LCOR: variants seen among roughly 807,000 people sequenced by gnomAD.
The protein encoded by LCOR is ligand dependent nuclear receptor corepressor, also known as ligand-dependent corepressor.
A neutral mutation model predicts 64.4 loss-of-function variants in LCOR; 14 were observed. That is an observed-to-expected ratio of 0.22 (90% CI 0.14 to 0.34). The LOEUF (loss-of-function observed/expected upper bound fraction) is 0.34. LCOR is among the 10% of genes least tolerant of loss of function. The pLI, the probability that LCOR is intolerant of heterozygous loss-of-function variation, is 1.00. For missense variants in LCOR, 1,686 were observed against 1,765.3 expected, an observed-to-expected ratio of 0.96 and a Z score of 0.80; for synonymous variants, 643 against 642.5, an observed-to-expected ratio of 1.00 and a Z score of -0.01.
Position 96,927,455 on chromosome 10 carries a change from G to GT in LCOR, c.-183-16648dup, listed in dbSNP as rs879474796. Among the ~76,000 whole-genome samples, 678 of 148,260 alleles carry GT rather than the reference G, an allele frequency of 4.6e-3. 1 individual carries two copies. Among genetic ancestry groups the GT allele is most frequent in the Middle Eastern group, 7.1e-3 (2 of 282 alleles). The stretch of plus-strand genomic sequence containing the variant: ...TTTTCTTTGCGTCATTTGAAAAGCA[G>GT]TTTTTTTTTTATCTCAATGAAGTTT... On this transcript the variant is annotated intron_variant, in intron 4 of 7. Transcript: ENST00000421806.
At position 96,982,186 on chromosome 10, in the gene LCOR, G is replaced by C; in HGVS notation, c.1726G>C (p.Glu576Gln). 6.2e-7 allele frequency: 1 copy of C among 1,614,168 alleles called. No individual in the cohort carries two copies. Among genetic ancestry groups the C allele is most frequent in the Non-Finnish European group, 8.5e-7 (1 of 1,180,024 alleles). The part of the protein sequence containing the change: ...EEPSKEITSH[E>Q]EGGGDVSPRK... ...ACCTAGCAAGGAAATCACCTCTCAC[G>C]AGGAAGGAGGTGGAGACGTTTCACC... is the stretch of plus-strand genomic sequence containing the variant. Residue 576 changes from glutamate (E) to glutamine (Q), a missense_variant, in exon 8 of 8, where the codon GAG (glutamate) becomes CAG (glutamine). By Grantham distance (29) the Glu-to-Gln change is conservative. This residue lies in a region of LCOR where 1,293 missense variants were observed against 1,410.4 expected (regional missense o/e 0.92). Coordinates refer to ENST00000421806, the MANE Select transcript of LCOR (RefSeq NM_001346516.2).
rs1771343124 is a variant in LCOR, at chr10:96,991,265, A to T, written c.*6131A>T. On this transcript the variant is annotated 3_prime_UTR_variant, in exon 8 of 8. Coordinates refer to ENST00000421806, the MANE Select transcript of LCOR (RefSeq NM_001346516.2). ...TCTCAGTACACAGCTGCTGTTACAG[A>T]TTATTCCTGAATAATGCTTTTGCGT... 1 of 152,162 alleles carries T rather than the reference A, an allele frequency of 6.6e-6. No individual in the cohort carries two copies. The highest frequency in any genetic ancestry group is 2.1e-4 in the South Asian group (1 of 4,834). The allele number at this position is 152,162 out of a possible 1,614,324, so 9.4% of individuals were successfully genotyped here.
intron 7 of LCOR, among the ~76,000 whole-genome samples, chr10:96,977,263 T>C (rs187403051): frequency 5.8e-4 from 88 of 152,242 alleles, no homozygotes; most frequent in African/African-American, 2.1e-3. Flanking sequence ...AGCTAGTGAG[T>C]AAAATTCTCT....
intron 7 of LCOR, chr10:96,956,821 C>T: frequency 1.0e-6 from 1 of 985,708 alleles, no homozygotes; most frequent in South Asian, 4.7e-5. Flanking sequence ...TCTTTGTATT[C>T]TTCAGTCCTT....
intron 2 of LCOR, among the ~76,000 whole-genome samples, chr10:96,890,908 T>C (rs1314615415): frequency 2.0e-5 from 3 of 152,230 alleles, no homozygotes; most frequent in Non-Finnish European, 4.4e-5. Context: ...AATTCCATGA[T>C]GGATGGTCAT....
intron 6 of LCOR, among the ~76,000 whole-genome samples, chr10:96,950,179 TATTTATTGG>T (rs1382247418): frequency 1.3e-5 from 2 of 152,180 alleles, no homozygotes; most frequent in Non-Finnish European, 1.5e-5. Flanking sequence ...TTGTAACCTT[TATTTATTGG>T]ATTTATTGGT....
intron 2 of LCOR, among the ~76,000 whole-genome samples, chr10:96,868,258 TTTTTC>T (rs1003855001): frequency 2.7e-4 from 41 of 151,534 alleles, no homozygotes; most frequent in African/African-American, 2.4e-4. Flanking sequence ...AGTGATTACT[TTTTTC>T]TTTTCTTTTC....
intron 4 of LCOR, among the ~76,000 whole-genome samples, chr10:96,920,622 A>G (rs1847047209): frequency 6.8e-6 from 1 of 147,024 alleles, no homozygotes; most frequent in East Asian, 2.0e-4. Context: ...ATGTGTATAT[A>G]TGTATGTACA....
At chr10:96,835,752 G>C (rs1353751825) in intron 2 of LCOR, among the ~76,000 whole-genome samples, 1 of 152,042 alleles carries the variant, frequency 6.6e-6, no homozygotes, top group Non-Finnish European at 1.5e-5. Context: ...TTCTAAAATC[G>C]AATTCTCCCT....
At position 96,845,559 on chromosome 10, in the gene LCOR, C is replaced by T. The variant is rs566734061; in HGVS notation, c.-330+12080C>T. On this transcript the variant is annotated intron_variant, in intron 2 of 7. Coordinates refer to ENST00000421806, the MANE Select transcript of LCOR (RefSeq NM_001346516.2). ...TTGGCTCACTGCAGGCTCTGCCCCCCGGGGTTCATGCCATTCTCCTGCCTC... is the reference window on the plus strand; with the variant it reads ...TTGGCTCACTGCAGGCTCTGCCCCCTGGGGTTCATGCCATTCTCCTGCCTC... Among the ~76,000 whole-genome samples, 23 of 145,494 alleles carry T rather than the reference C, an allele frequency of 1.6e-4. No homozygotes were observed. In the East Asian group the frequency reaches 3.7e-3, roughly 23 times the overall value.
intron 4 of LCOR, among the ~76,000 whole-genome samples, chr10:96,940,131 TAAC>T (rs774160585): frequency 5.7e-4 from 87 of 152,206 alleles, no homozygotes; most frequent in East Asian, 1.7e-3. Context: ...ATAAAAAAGA[TAAC>T]AAGTGTTCAT....
intron 2 of LCOR, among the ~76,000 whole-genome samples, chr10:96,855,065 AC>A (rs1237833142): frequency 6.6e-6 from 1 of 152,014 alleles, no homozygotes; most frequent in East Asian, 1.9e-4. Context: ...AGGCTGACTT[AC>A]CCCTGGGACT....
At chr10:96,915,915 G>A (rs1035174449) in intron 4 of LCOR, 2 of 404,102 alleles carry the variant, frequency 4.9e-6, no homozygotes, top group African/African-American at 2.1e-5. Flanking sequence ...TGGCAGCGAC[G>A]GCGGCAGGAT....
At position 96,983,540 on chromosome 10, in the gene LCOR, C is replaced by T; in HGVS notation, c.3080C>T (p.Pro1027Leu). The change falls in exon 8 of 8, where the codon CCA (proline) becomes CTA (leucine). Residue 1027 changes from proline to leucine, a missense_variant. Coordinates refer to ENST00000421806, the MANE Select transcript of LCOR (RefSeq NM_001346516.2). The surrounding 1 kb of genome is among the most constrained non-coding windows in gnomAD (Gnocchi z 4.5). ...GGAAGTGGTGATGCTGCTAGGGCAC[C>T]AAAATCGGTGCCAAGGCCTAAAAGA... ...SSGSGDAARA[P>L]KSVPRPKRLT... is the part of the protein sequence containing the mutation. 2 of 1,614,072 alleles carry T rather than the reference C, an allele frequency of 1.2e-6. No homozygotes were observed. The highest frequency in any genetic ancestry group is 1.7e-6 in the Non-Finnish European group (2 of 1,180,012).
At chr10:96,842,136 C>G (rs1845552088) in intron 2 of LCOR, among the ~76,000 whole-genome samples, 1 of 152,036 alleles carries the variant, frequency 6.6e-6, no homozygotes. Flanking sequence ...TGGCTCATGC[C>G]TGTAATCCCA....
At chr10:96,836,928 CAG>C (rs1023321092) in intron 2 of LCOR, among the ~76,000 whole-genome samples, 2 of 151,770 alleles carry the variant, frequency 1.3e-5, no homozygotes, top group African/African-American at 2.4e-5. Context: ...TTCCTTAGCT[CAG>C]GGGAGGAATG....
rs181490860 is a variant in LCOR at position 96,884,896 on chromosome 10, A to G, written c.-329-22369A>G. Among the ~76,000 whole-genome samples the G allele has an allele frequency of 2.9e-4, 44 of 152,226 alleles. No individual in the cohort carries two copies. The East Asian group carries it at 8.1e-3, about 28-fold the overall frequency. ...CTCAGCTCTGTCCTCCAGATTCTTC[A>G]TTTCTGGTACGTGAGGCATTTCCTA... On this transcript the variant is annotated intron_variant, in intron 2 of 7. Coordinates refer to ENST00000421806, the MANE Select transcript of LCOR (RefSeq NM_001346516.2).
At chr10:96,952,781 T>C (rs773539624) in intron 7 of LCOR, among the ~76,000 whole-genome samples, 1 of 152,178 alleles carries the variant, frequency 6.6e-6, no homozygotes, top group African/African-American at 2.4e-5. Context: ...CCTAATTTTA[T>C]AGTATAAGAA....
chr10:96,900,430 A>G (rs1027095106), intron 2 of LCOR, among the ~76,000 whole-genome samples: 3 of 152,146 alleles, frequency 2.0e-5, no homozygotes, highest in Non-Finnish European at 4.4e-5. Context: ...GAATAAACCC[A>G]AAGAAATGGA....
Sources: gnomAD v4.1 joint callset for allele counts (sites outside exome capture counted in the v4.1 genomes callset) on GRCh38, gnomAD v4.1.1 for gene constraint, gnomAD v4.1.1 regional missense constraint, Gnocchi (gnomAD v3.1) non-coding constraint, MANE v1.5 for transcripts, NCBI Gene and HGNC (gene_info 2026-07-23, HGNC 2026-07-21) for gene names.